The following PKIB variants were observed in gnomAD, a reference collection of about 807,000 sequenced individuals.
PKIB encodes PKI-beta.
In PKIB, 2 loss-of-function variants were observed where a neutral mutation model predicts 4.5. The ratio of observed to expected loss-of-function variants is 0.44; its 90% CI spans 0.18 to 1.39. PKIB has a LOEUF of 1.39. PKIB is among the 40% of genes most tolerant of loss of function. The pLI, the probability that PKIB is intolerant of heterozygous loss-of-function variation, is 0.27. For missense variants in PKIB, 94 were observed against 92.6 expected (o/e 1.02, Z -0.06); for synonymous variants, 38 against 36.0 (o/e 1.06, Z -0.20).
At chr6:122,592,522 A>T (rs1408787368) in intron 3 of PKIB, among the ~76,000 whole-genome samples, 1 of 152,194 alleles carries the variant, frequency 6.6e-6, no homozygotes. Flanking sequence ...GAGATCAGGA[A>T]CACATTTTCA....
chr6:122,492,129 A>G (rs1775954138), intron 2 of PKIB, among the ~76,000 whole-genome samples: 2 of 152,190 alleles, frequency 1.3e-5, no homozygotes, highest in Non-Finnish European at 2.9e-5. Context: ...GGCCACCAGA[A>G]CAGTGAGGGA....
At chr6:122,600,603 A>C (rs1774332177) in intron 3 of PKIB, among the ~76,000 whole-genome samples, 1 of 152,210 alleles carries the variant, frequency 6.6e-6, no homozygotes. Flanking sequence ...AATAAGCCCT[A>C]GATAAATTAC....
intron 3 of PKIB, among the ~76,000 whole-genome samples, chr6:122,708,853 A>G (rs1582833933): frequency 6.6e-6 from 1 of 152,074 alleles, no homozygotes. Flanking sequence ...GGCTGGTCTC[A>G]AACTCCTGAC....
intron 2 of PKIB, among the ~76,000 whole-genome samples, chr6:122,666,155 C>G (rs1777213551): frequency 6.6e-6 from 1 of 152,170 alleles, no homozygotes; most frequent in African/African-American, 2.4e-5. Flanking sequence ...TCTTTTCCAG[C>G]CTTAGCCTTC....
chr6:122,661,134 C>T (rs536128823), intron 2 of PKIB, among the ~76,000 whole-genome samples: 16 of 152,078 alleles, frequency 1.1e-4, no homozygotes, highest in Non-Finnish European at 2.4e-4. Flanking sequence ...TATCGCACAC[C>T]GTAATCCTCC....
intron 2 of PKIB, chr6:122,482,529 A>T (rs9388078): frequency 0.12 from 18,322 of 149,422 alleles, 1,289 homozygotes; most frequent in East Asian, 0.21. Context: ...TGAGGAAGAG[A>T]TAACTTTAGG....
intron 2 of PKIB, among the ~76,000 whole-genome samples, chr6:122,498,924 A>C (rs796381392): frequency 3.9e-4 from 60 of 152,344 alleles, no homozygotes; most frequent in African/African-American, 1.3e-3. Flanking sequence ...CTCAGAGACT[A>C]TTATAAACAC....
intron 2 of PKIB, among the ~76,000 whole-genome samples, chr6:122,671,453 A>G (rs1455090775): frequency 1.3e-5 from 2 of 152,200 alleles, no homozygotes; most frequent in Admixed American, 6.5e-5. Flanking sequence ...CCCCAGTCTT[A>G]CAGACTGAAG....
intron 2 of PKIB, among the ~76,000 whole-genome samples, chr6:122,549,189 GGA>G (rs1772592431): frequency 6.6e-6 from 1 of 152,096 alleles, no homozygotes; most frequent in Admixed American, 6.6e-5. Flanking sequence ...AATACAGTTA[GGA>G]GGACTAAGTC....
chr6:122,699,105 A>G (rs1426422021), intron 3 of PKIB, among the ~76,000 whole-genome samples: 1 of 152,150 alleles, frequency 6.6e-6, no homozygotes, highest in East Asian at 1.9e-4. Flanking sequence ...GCCTGCAAAG[A>G]CTGTGTGCAG....
chr6:122,679,972 A>G (rs1777832022), intron 3 of PKIB, among the ~76,000 whole-genome samples: 1 of 152,216 alleles, frequency 6.6e-6, no homozygotes, highest in Non-Finnish European at 1.5e-5. Context: ...AACCACATGT[A>G]CCTTCTATTA....
intron 2 of PKIB, among the ~76,000 whole-genome samples, chr6:122,526,675 T>C (rs1777099337): frequency 6.6e-6 from 1 of 152,112 alleles, no homozygotes; most frequent in African/African-American, 2.4e-5. Context: ...TTATCTAGGC[T>C]TTGTTGTTTC....
At chr6:122,496,777 A>G (rs1187687006) in intron 2 of PKIB, among the ~76,000 whole-genome samples, 2 of 152,204 alleles carry the variant, frequency 1.3e-5, no homozygotes, top group East Asian at 3.8e-4. Flanking sequence ...AGATAAGGAT[A>G]CAAAGTAAAC....
rs544714647 is a variant in PKIB, at chr6:122,633,363, T to C, written c.-80T>C. On this transcript the variant is annotated 5_prime_UTR_variant, in exon 2 of 5. Coordinates refer to ENST00000368452, the MANE Select transcript of PKIB (RefSeq NM_181795.3). ...AACCCTGTGCCAGGGACAGGAAAGA[T>C]AGGAGTAAGTATATTTTTGTTCCAT... 1 of 152,118 alleles carries C rather than the reference T, an allele frequency of 6.6e-6. No homozygotes were observed. Among genetic ancestry groups the C allele is most frequent in the Non-Finnish European group, 1.5e-5 (1 of 68,004 alleles). The allele number at this position is 152,118 out of a possible 1,614,324, so 9.4% of individuals were successfully genotyped here.
chr6:122,662,308 C>CTTTTTTTTTTTTTTTTTTTTTTT lies in PKIB; in HGVS notation c.-75-12763_-75-12741dup, dbSNP rs71021412. Among the ~76,000 whole-genome samples, 7 of 13,262 alleles carry CTTTTTTTTTTTTTTTTTTTTTTT rather than the reference C, an allele frequency of 5.3e-4. 1 individual carries two copies. The highest frequency in any genetic ancestry group is 6.8e-4 in the African/African-American group (3 of 4,406). 8.7% of individuals were successfully genotyped at this position (13,262 alleles called of 152,430 possible). On this transcript the variant is annotated intron_variant, in intron 2 of 4. Transcript: ENST00000368452. ...CTCTCCTTCTTTCTTTCCTTGTCTC[C>CTTTTTTTTTTTTTTTTTTTTTTT]TTTTTTTTTTTTTTTTTTTTTTTTT...
chr6:122,724,954 A>T (rs769429048), intron 4 of PKIB, among the ~76,000 whole-genome samples, 174 bp from the exon 5 acceptor site: 8 of 152,188 alleles, frequency 5.3e-5, no homozygotes, highest in Non-Finnish European at 1.0e-4. Flanking sequence ...AAAGTTGATC[A>T]GGAGAAGGTA....
chr6:122,486,596 A>T (rs78905655), intron 2 of PKIB, among the ~76,000 whole-genome samples: 2,214 of 149,114 alleles, frequency 0.015, 54 homozygotes, highest in African/African-American at 0.05. Flanking sequence ...TTTTTTCTTT[A>T]TCTCTTGTTT....
At position 122,533,889 on chromosome 6, in the gene PKIB, C is replaced by T. The variant is rs554251020; in HGVS notation, c.-247-52032C>T. Among the ~76,000 whole-genome samples the T allele has an allele frequency of 7.2e-5, 11 of 151,968 alleles. No homozygotes were observed. The East Asian group carries it at 1.7e-3, about 24-fold the overall frequency. ...AGATCTTCTAGTGCTTACTTCTTAT[C>T]TTCTATACATCTTATTTAGGCTTCC... On this transcript the variant is annotated intron_variant, in intron 2 of 6. Coordinates refer to the PKIB transcript ENST00000392491.
At chr6:122,539,232 G>GTCT (rs1256487233) in intron 2 of PKIB, among the ~76,000 whole-genome samples, 13 of 152,048 alleles carry the variant, frequency 8.5e-5, no homozygotes, top group Non-Finnish European at 1.9e-4. Context: ...AATAGGAGGG[G>GTCT]TGAGAGAGGG....
Sources: allele counts gnomAD v4.1 joint callset (sites outside exome capture counted in the v4.1 genomes callset), GRCh38; gene constraint gnomAD v4.1.1; transcripts MANE v1.5; gene names NCBI Gene and HGNC (gene_info 2026-07-23, HGNC 2026-07-21).